ABHD17B: variants seen among roughly 807,000 people sequenced by gnomAD.
ABHD17B encodes the protein abhydrolase domain containing 17B, depalmitoylase, also known as alpha/beta hydrolase domain-containing protein 17B.
ABHD17B carries 9 observed loss-of-function variants against 26.2 expected under a neutral mutation model. That is an observed-to-expected ratio of 0.34 (90% CI 0.21 to 0.60). The LOEUF is 0.60. Ranked by LOEUF, ABHD17B falls within the 20% of genes least tolerant of loss-of-function variation. The pLI, the probability that ABHD17B is intolerant of heterozygous loss-of-function variation, is 0.80. For synonymous variants in ABHD17B, 127 were observed against 122.3 expected (o/e 1.04, Z -0.25); for missense variants, 224 against 352.1 (o/e 0.64, Z 2.91).
At chr9:71,897,522 T>C (rs1465798417) in intron 1 of ABHD17B, among the ~76,000 whole-genome samples, 4 of 152,086 alleles carry the variant, frequency 2.6e-5, no homozygotes, top group Non-Finnish European at 5.9e-5. Context: ...TCTCAAAAAA[T>C]ATAAAAAATG....
At chr9:71,887,509 C>T (rs1416724890) in intron 1 of ABHD17B, among the ~76,000 whole-genome samples, 1 of 152,214 alleles carries the variant, frequency 6.6e-6, no homozygotes, top group African/African-American at 2.4e-5. Context: ...AGCACTCACT[C>T]TCCACATATG....
intron 1 of ABHD17B, among the ~76,000 whole-genome samples, chr9:71,889,266 G>A (rs192666058): frequency 1.3e-5 from 2 of 150,664 alleles, no homozygotes; most frequent in Non-Finnish European, 2.9e-5. Context: ...GCAGTGAGCC[G>A]AGATTGCACC....
chr9:71,883,329 A>C (rs146492742), intron 1 of ABHD17B, among the ~76,000 whole-genome samples: 20 of 152,350 alleles, frequency 1.3e-4, no homozygotes, highest in African/African-American at 4.8e-4. Flanking sequence ...AAGTCCAAGT[A>C]ATAAAGACAG....
At chr9:71,896,445 C>T (rs1029687294) in intron 1 of ABHD17B, among the ~76,000 whole-genome samples, 26 of 152,192 alleles carry the variant, frequency 1.7e-4, no homozygotes, top group African/African-American at 5.5e-4. Flanking sequence ...TTCAAGAGAA[C>T]TTGGTCAAGA....
chr9:71,870,059 A>C (rs1336327189), intron 3 of ABHD17B, 24 bp downstream of exon 3: 1 of 1,573,792 alleles, frequency 6.4e-7, no homozygotes, highest in South Asian at 1.2e-5. Flanking sequence ...TTGGAATTTA[A>C]CTATTTTGAA....
Position 71,866,381 on chromosome 9 carries a change from C to T in ABHD17B, c.*406G>A, listed in dbSNP as rs375433645. 3.0e-6 allele frequency: 3 copies of T among 986,224 alleles called. No individual in the cohort carries two copies. Among genetic ancestry groups the T allele is most frequent in the East Asian group, 2.0e-4 (2 of 10,010 alleles). 61.1% of individuals were successfully genotyped at this position (986,224 alleles called of 1,614,324 possible). On this transcript the variant is annotated 3_prime_UTR_variant, in exon 4 of 4. Coordinates refer to ENST00000333421, the MANE Select transcript of ABHD17B (RefSeq NM_001025780.3). ...ATGAGTACTTAAATTGCTTTAGATA[C>T]ATAGCTTTTTTCAAAATATTACAGT...
At chr9:71,879,099 C>G (rs564042263) in intron 1 of ABHD17B, among the ~76,000 whole-genome samples, 3 of 152,114 alleles carry the variant, frequency 2.0e-5, no homozygotes, top group Admixed American at 1.3e-4. Context: ...AAGGCTACAG[C>G]GAGCTGTGAT....
intron 1 of ABHD17B, among the ~76,000 whole-genome samples, chr9:71,900,237 C>T (rs1827092735): frequency 6.6e-6 from 1 of 152,172 alleles, no homozygotes; most frequent in African/African-American, 2.4e-5. Context: ...TGCGAGTAAA[C>T]ACAAAGAAAA....
intron 1 of ABHD17B, among the ~76,000 whole-genome samples, chr9:71,889,265 C>T (rs892775357): frequency 3.3e-5 from 5 of 150,610 alleles, no homozygotes; most frequent in Non-Finnish European, 5.9e-5. Flanking sequence ...TGCAGTGAGC[C>T]GAGATTGCAC....
At chr9:71,885,971 A>C (rs1259811820) in intron 1 of ABHD17B, among the ~76,000 whole-genome samples, 3 of 152,222 alleles carry the variant, frequency 2.0e-5, no homozygotes, top group African/African-American at 2.4e-5. Flanking sequence ...AAGAATGCTT[A>C]TATCTTTCTT....
downstream of ABHD17B, among the ~76,000 whole-genome samples, chr9:71,863,913 A>G (rs963567495): frequency 6.6e-6 from 1 of 152,178 alleles, no homozygotes; most frequent in Non-Finnish European, 1.5e-5. Flanking sequence ...ATTTGTAAAT[A>G]TCCTTTCACT....
intron 1 of ABHD17B, among the ~76,000 whole-genome samples, chr9:71,891,827 G>A (rs1044715751): frequency 6.6e-6 from 1 of 152,176 alleles, no homozygotes; most frequent in African/African-American, 2.4e-5. Flanking sequence ...GGGACCAGAA[G>A]ATACTTTACA....
In ABHD17B at chr9:71,865,721, C is replaced by T. The variant is rs187603844; in HGVS notation, c.*1066G>A. 5.9e-5 allele frequency: 35 copies of T among 591,730 alleles called. No homozygotes were observed. The highest frequency in any genetic ancestry group is 4.7e-4 in the African/African-American group (23 of 49,340). 36.7% of individuals were successfully genotyped at this position (591,730 alleles called of 1,614,324 possible). ...ACTAAAAATACAAAAATTAGCCAGG[C>T]GTGGTGGCAAGCATCTGTAATACCA... On this transcript the variant is annotated 3_prime_UTR_variant, in exon 4 of 4. Coordinates refer to ENST00000333421, the MANE Select transcript of ABHD17B (RefSeq NM_001025780.3).
intron 1 of ABHD17B, among the ~76,000 whole-genome samples, chr9:71,892,544 AAAAC>A (rs376962070): frequency 2.0e-5 from 3 of 152,120 alleles, no homozygotes; most frequent in East Asian, 1.9e-4. Context: ...AAAAAAAACA[AAAAC>A]AAACAAACAA....
intron 1 of ABHD17B, among the ~76,000 whole-genome samples, chr9:71,894,340 A>T (rs576052828): frequency 1.3e-5 from 2 of 152,172 alleles, no homozygotes; most frequent in African/African-American, 4.8e-5. Context: ...AATACATTAA[A>T]TTTCAAATTT....
chr9:71,866,238 G>A lies in ABHD17B; in HGVS notation c.*549C>T, dbSNP rs1388755637. ...TAAATGTATGTAATCAGAGTATACA[G>A]AAAATTCAATGTATTTTACAATAAA... is the stretch of plus-strand genomic sequence containing the variant. On this transcript the variant is annotated 3_prime_UTR_variant, in exon 4 of 4. Coordinates refer to ENST00000333421, the MANE Select transcript of ABHD17B (RefSeq NM_001025780.3). The A allele has an allele frequency of 1.0e-6, 1 of 981,794 alleles. No homozygotes were observed. The highest frequency in any genetic ancestry group is 1.8e-5 in the African/African-American group (1 of 57,108). 60.8% of individuals were successfully genotyped at this position (981,794 alleles called of 1,614,324 possible). A position where few individuals can be genotyped will look rare whatever the true frequency, so the allele number is the denominator to read the frequency against.
chr9:71,903,753 T>G (rs1257250252), intron 1 of ABHD17B, among the ~76,000 whole-genome samples: 1 of 152,224 alleles, frequency 6.6e-6, no homozygotes. Flanking sequence ...TGTTTTAGAA[T>G]GAGTGAGATA....
chr9:71,883,602 T>C (rs1053912382), intron 1 of ABHD17B, among the ~76,000 whole-genome samples: 5 of 152,128 alleles, frequency 3.3e-5, no homozygotes, highest in Admixed American at 3.3e-4. Context: ...AGACAAACAT[T>C]GGTAGATTTA....
chr9:71,898,028 A>C (rs1366726184), intron 1 of ABHD17B, among the ~76,000 whole-genome samples: 1 of 152,244 alleles, frequency 6.6e-6, no homozygotes. Context: ...AAATGGAATA[A>C]AGATTTCAAA....
Sources: gnomAD v4.1 joint callset for allele counts (sites outside exome capture counted in the v4.1 genomes callset) on GRCh38, gnomAD v4.1.1 for gene constraint, MANE v1.5 for transcripts, NCBI Gene and HGNC (gene_info 2026-07-23, HGNC 2026-07-21) for gene names.